The following CNBD2 variants were observed in gnomAD, a reference collection of about 807,000 sequenced individuals.
The protein encoded by CNBD2 is cyclic nucleotide binding domain containing 2.
CNBD2 carries 64 observed loss-of-function variants against 63.7 expected under a neutral mutation model. That is an observed-to-expected ratio of 1.00 (90% confidence interval 0.82 to 1.24). The LOEUF (loss-of-function observed/expected upper bound fraction) is 1.24, where lower values mean the gene tolerates loss of function less well. Ranked by LOEUF, CNBD2 falls within the 50% of genes most tolerant of loss-of-function variation. CNBD2 has a pLI of 0.00. For synonymous variants in CNBD2, 229 were observed against 255.4 expected (o/e 0.90, Z 0.99); for missense variants, 691 against 713.5 (o/e 0.97, Z 0.36).
rs113372895 is a variant in CNBD2 at position 35,985,713 on chromosome 20, C to T, written c.716+935C>T. 4.6e-3 allele frequency among the ~76,000 whole-genome samples: 704 copies of T among 152,232 alleles called. 3 individuals are homozygous for T. Among genetic ancestry groups the T allele is most frequent in the African/African-American group, 0.016 (647 of 41,536 alleles). ...ATGTTGGCCAGGGTGGTGTTGAACTCCTGGCCTCAAGTGATCTGACTACCT... is the reference window on the plus strand; with the variant it reads ...ATGTTGGCCAGGGTGGTGTTGAACTTCTGGCCTCAAGTGATCTGACTACCT... On this transcript the variant is annotated intron_variant, in intron 6 of 11. Coordinates refer to ENST00000373973, the MANE Select transcript of CNBD2 (RefSeq NM_001365709.1).
intron 10 of CNBD2, among the ~76,000 whole-genome samples, chr20:36,023,151 G>T (rs2057239616): frequency 6.6e-6 from 1 of 152,116 alleles, no homozygotes; most frequent in South Asian, 2.1e-4. Flanking sequence ...AGGGGCCCAG[G>T]ATTTCTCCTG....
rs2056367877 is a variant in CNBD2, at chr20:35,968,613, T to C, written c.-150T>C. The C allele has an allele frequency of 2.7e-5, 15 of 564,672 alleles. No homozygotes were observed. The highest frequency in any genetic ancestry group is 1.4e-4 in the South Asian group (7 of 50,920). The allele number at this position is 564,672 out of a possible 1,614,324, so 35.0% of individuals were successfully genotyped here. ...TCAGAGCAGGGCTTCCAGTAGCTGATGGTATGGTAGGAGGAGTGGAGTGGA... is the reference window on the plus strand; with the variant it reads ...TCAGAGCAGGGCTTCCAGTAGCTGACGGTATGGTAGGAGGAGTGGAGTGGA... On this transcript the variant is annotated 5_prime_UTR_variant, in exon 1 of 12. An upstream start codon of the reference 5' UTR is lost. Transcript: ENST00000373973.
At chr20:36,001,601 G>A (rs1417119408) in intron 8 of CNBD2, among the ~76,000 whole-genome samples, 22 of 151,118 alleles carry the variant, frequency 1.5e-4, no homozygotes, top group Admixed American at 5.9e-4. Context: ...CTTCTCAGAC[G>A]GGGCGGCTGC....
At chr20:36,004,922 G>T (rs1177822564) in intron 8 of CNBD2, among the ~76,000 whole-genome samples, 1 of 152,116 alleles carries the variant, frequency 6.6e-6, no homozygotes. Flanking sequence ...AAGTAGAAGA[G>T]AAAATTTAGT....
Position 35,968,723 on chromosome 20 carries a change from G to A in CNBD2, c.-40G>A. 1 of 1,563,560 alleles carries A rather than the reference G, an allele frequency of 6.4e-7. No homozygotes were observed. Among genetic ancestry groups the A allele is most frequent in the Non-Finnish European group, 8.7e-7 (1 of 1,145,704 alleles). ...AAAATTTGTAGTCCTCCCCTTGAAA[G>A]GCAAAGGGGCTAGTTGTGCCATTTG... On this transcript the variant is annotated 5_prime_UTR_variant, in exon 1 of 12. Transcript: ENST00000373973.
chr20:35,995,677 A>G (rs2056815191), intron 8 of CNBD2, among the ~76,000 whole-genome samples: 2 of 152,320 alleles, frequency 1.3e-5, no homozygotes, highest in African/African-American at 2.4e-5. Flanking sequence ...CAGTTGGTGA[A>G]CATTTGGATT....
chr20:35,971,237 G>T (rs1031703076), intron 1 of CNBD2, among the ~76,000 whole-genome samples: 6 of 151,978 alleles, frequency 3.9e-5, no homozygotes, highest in African/African-American at 1.4e-4. Flanking sequence ...ATGAGCCACC[G>T]GGCCCAGCCT....
At chr20:35,968,279 T>A (rs2056364390), upstream of CNBD2, among the ~76,000 whole-genome samples, 2 of 152,120 alleles carry the variant, frequency 1.3e-5, no homozygotes, top group African/African-American at 4.8e-5. Context: ...ATTTGTACAC[T>A]GTCATGGCAC....
At position 35,980,441 on chromosome 20, in the gene CNBD2, C is replaced by G. The variant is rs757081256; in HGVS notation, c.244-18C>G. The G allele has an allele frequency of 1.2e-6, 2 of 1,613,720 alleles. No homozygotes were observed. Among genetic ancestry groups the G allele is most frequent in the Non-Finnish European group, 1.7e-6 (2 of 1,179,762 alleles). ...AAATTGCTGGGTCCCCTGTATCACTCTGGTCCTCTCTCCCCAGGGTCACTT... is the reference window on the plus strand; with the variant it reads ...AAATTGCTGGGTCCCCTGTATCACTGTGGTCCTCTCTCCCCAGGGTCACTT... On this transcript the variant is annotated intron_variant, in intron 3 of 11. Coordinates refer to ENST00000373973, the MANE Select transcript of CNBD2 (RefSeq NM_001365709.1).
At position 36,023,847 on chromosome 20, in the gene CNBD2, G is replaced by T. The variant is rs990195414; in HGVS notation, c.1439+76G>T. Reference sequence around the variant, plus strand: ...TCACCTGTTATTTTAGTAAAAGAAGGAAAAATATAATACCTGTTGCTGACA... The same window carrying T: ...TCACCTGTTATTTTAGTAAAAGAAGTAAAAATATAATACCTGTTGCTGACA... On this transcript the variant is annotated intron_variant, in intron 11 of 11. Transcript: ENST00000373973. 3 of 1,329,092 alleles carry T rather than the reference G, an allele frequency of 2.3e-6. No homozygotes were observed. In the African/African-American group the frequency reaches 4.5e-5, roughly 20 times the overall value. The allele number at this position is 1,329,092 out of a possible 1,614,324, so 82.3% of individuals were successfully genotyped here.
At chr20:36,022,195 C>CTTTTTTTTTT (rs753206662) in intron 10 of CNBD2, among the ~76,000 whole-genome samples, 39 of 56,252 alleles carry the variant, frequency 6.9e-4, no homozygotes, top group Admixed American at 1.0e-3. Flanking sequence ...TTTTTTTTTT[C>CTTTTTTTTTT]TTTTTTTTTT....
chr20:36,019,078 A>G (rs2057172716), intron 10 of CNBD2, among the ~76,000 whole-genome samples: 1 of 152,218 alleles, frequency 6.6e-6, no homozygotes, highest in African/African-American at 2.4e-5. Flanking sequence ...AGGACAGACA[A>G]CAAACAGATA....
intron 10 of CNBD2, among the ~76,000 whole-genome samples, chr20:36,020,516 G>A (rs1366891130): frequency 6.6e-6 from 1 of 152,184 alleles, no homozygotes; most frequent in Non-Finnish European, 1.5e-5. Context: ...GGAATTTAGT[G>A]AGTGCTCAAT....
At chr20:36,009,327 G>A (rs1037414067) in intron 9 of CNBD2, among the ~76,000 whole-genome samples, 27 of 151,426 alleles carry the variant, frequency 1.8e-4, no homozygotes, top group Non-Finnish European at 3.2e-4. Flanking sequence ...TCAGCCTCCC[G>A]AGTAGCTGGG....
intron 10 of CNBD2, among the ~76,000 whole-genome samples, chr20:36,016,749 A>G (rs1568923150): frequency 6.7e-6 from 1 of 149,552 alleles, no homozygotes; most frequent in African/African-American, 2.5e-5. Flanking sequence ...GGATTGCACC[A>G]CTGCACTCCA....
chr20:36,001,964 G>A (rs541249928), intron 8 of CNBD2, among the ~76,000 whole-genome samples: 165 of 152,242 alleles, frequency 1.1e-3, no homozygotes, highest in African/African-American at 3.7e-3. Flanking sequence ...GGGCGGCCAG[G>A]CAGAGACGCT....
At chr20:35,960,852 T>C (rs2056303258) in intron 2 of CNBD2, among the ~76,000 whole-genome samples, 1 of 143,678 alleles carries the variant, frequency 7.0e-6, no homozygotes, top group African/African-American at 2.6e-5. Flanking sequence ...TCTTCCCCTC[T>C]CTTCCCTTCT....
Position 35,980,621 on chromosome 20 carries a change from C to T in CNBD2, c.406C>T (p.Arg136Trp), listed in dbSNP as rs148029405. ...CCTGGCCAAAGTCATGCGCTTTGAA[C>T]GGTCAGTGAGGGGCACAGCCCTTGG... ...LLLAKVMRFE[R>W]FGRRRVIIKK... The change falls in exon 4 of 12, where the codon CGG (arginine) becomes TGG (tryptophan). Residue 136 changes from arginine to tryptophan, a missense_variant and splice_region_variant. Arg to Trp is a moderately radical substitution (Grantham distance 101). Transcript: ENST00000373973. 282 of 1,612,886 alleles carry T rather than the reference C, an allele frequency of 1.7e-4. No individual in the cohort carries two copies. The highest frequency in any genetic ancestry group is 1.3e-3 in the Middle Eastern group (7 of 5,190).
At chr20:35,962,980 C>T (rs2056319745) in intron 2 of CNBD2, among the ~76,000 whole-genome samples, 1 of 152,166 alleles carries the variant, frequency 6.6e-6, no homozygotes, top group African/African-American at 2.4e-5. Context: ...TTAGGACCAG[C>T]TGCTTTTTTC....
Sources: gnomAD v4.1 joint callset for allele counts (sites outside exome capture counted in the v4.1 genomes callset) on GRCh38, gnomAD v4.1.1 for gene constraint, MANE v1.5 for transcripts, NCBI Gene and HGNC (gene_info 2026-07-23, HGNC 2026-07-21) for gene names.